The following HMG20A variants were observed in gnomAD, a reference collection of about 807,000 sequenced individuals.
HMG20A encodes high mobility group 20A.
HMG20A carries 17 observed loss-of-function variants against 43.9 expected under a neutral mutation model. The observed-to-expected ratio is 0.39, with a 90% CI of 0.27 to 0.58. The LOEUF (loss-of-function observed/expected upper bound fraction) is 0.58, where lower values mean the gene tolerates loss of function less well. HMG20A is among the 20% of genes least tolerant of loss of function. The pLI, the probability that HMG20A is intolerant of heterozygous loss-of-function variation, is 0.59. For synonymous variants in HMG20A, 132 were observed against 147.5 expected, an observed-to-expected ratio of 0.89 and a Z score of 0.76; for missense variants, 341 against 438.2, an observed-to-expected ratio of 0.78 and a Z score of 1.98.
At chr15:77,428,034 T>C (rs2073444155) in intron 1 of HMG20A, among the ~76,000 whole-genome samples, 1 of 152,184 alleles carries the variant, frequency 6.6e-6, no homozygotes, top group Admixed American at 6.5e-5. Context: ...TGGAGGATAA[T>C]GGAAAGTGGA....
chr15:77,440,830 T>C (rs1405617555), intron 1 of HMG20A, among the ~76,000 whole-genome samples: 1 of 152,172 alleles, frequency 6.6e-6, no homozygotes, highest in Non-Finnish European at 1.5e-5. Context: ...TAAATATTTT[T>C]GAATAGCCAT....
chr15:77,449,957 A>G (rs1273446827), intron 1 of HMG20A, among the ~76,000 whole-genome samples: 1 of 151,068 alleles, frequency 6.6e-6, no homozygotes, highest in East Asian at 1.9e-4. Flanking sequence ...TATTCATCCT[A>G]CTCCCCTGGC....
chr15:77,456,972 G>C (rs542150357), intron 1 of HMG20A, among the ~76,000 whole-genome samples: 1 of 152,280 alleles, frequency 6.6e-6, no homozygotes, highest in African/African-American at 2.4e-5. Flanking sequence ...AAGCATTCCT[G>C]CAGTAGAATA....
In HMG20A at chr15:77,483,915, C is replaced by G. The variant is rs1416877855; in HGVS notation, c.*952C>G. On this transcript the variant is annotated 3_prime_UTR_variant, in exon 10 of 10. Coordinates refer to ENST00000336216, the MANE Select transcript of HMG20A (RefSeq NM_001304504.2). ...TCTTTAGGAGTAATGATTCATAGAT[C>G]TAGATAGGTGGAAATATCATTCAAA... 6.6e-6 allele frequency: 1 copy of G among 152,152 alleles called. No homozygotes were observed. Among genetic ancestry groups the G allele is most frequent in the South Asian group, 2.1e-4 (1 of 4,822 alleles). 9.4% of individuals were successfully genotyped at this position (152,152 alleles called of 1,614,324 possible).
the HMG20A span, among the ~76,000 whole-genome samples, chr15:77,499,918 C>T: frequency 0.22 from 33,148 of 151,732 alleles, 4,102 homozygotes; most frequent in Middle Eastern, 0.29. Context: ...CAACCTCCGC[C>T]TCCCAGGTTC....
chr15:77,516,758 G>A, the HMG20A span, among the ~76,000 whole-genome samples: 2 of 152,156 alleles, frequency 1.3e-5, no homozygotes, highest in Non-Finnish European at 2.9e-5. Flanking sequence ...AGGGGAGTGG[G>A]GTGTGGGCAT....
At chr15:77,478,939 G>A (rs969260949) in intron 8 of HMG20A, among the ~76,000 whole-genome samples, 7 of 152,198 alleles carry the variant, frequency 4.6e-5, no homozygotes, top group Non-Finnish European at 8.8e-5. Context: ...AAAGCTGAGC[G>A]AGTCTAACCT....
intron 3 of HMG20A, among the ~76,000 whole-genome samples, chr15:77,465,405 T>TTG (rs990764075): frequency 2.3e-4 from 34 of 150,938 alleles, no homozygotes; most frequent in Non-Finnish European, 3.6e-4. Flanking sequence ...TTTTTGTTTT[T>TTG]TTTTTTTTGA....
chr15:77,516,116 G>C, the HMG20A span, among the ~76,000 whole-genome samples: 5 of 152,196 alleles, frequency 3.3e-5, no homozygotes, highest in Admixed American at 2.6e-4. Flanking sequence ...AATACTGCTC[G>C]AGGGGAATTG....
chr15:77,467,268 A>G lies in HMG20A; in HGVS notation c.411A>G (p.Leu137=). ...CATTTCCAGAAATCACAAGGATGTT[A>G]GGCAATGAATGGAGTAAACTGCCTC... ...EVPFPEITRM[L]GNEWSKLPPE... The change falls in exon 4 of 10, where the codon TTA becomes TTG. Residue 137 remains leucine (L), a synonymous_variant. Coordinates refer to ENST00000336216, the MANE Select transcript of HMG20A (RefSeq NM_001304504.2). The G allele has an allele frequency of 1.2e-6, 2 of 1,614,164 alleles. No homozygotes were observed. Among genetic ancestry groups the G allele is most frequent in the Non-Finnish European group, 8.5e-7 (1 of 1,179,980 alleles).
At chr15:77,434,181 G>T (rs1167681103) in intron 1 of HMG20A, among the ~76,000 whole-genome samples, 1 of 152,090 alleles carries the variant, frequency 6.6e-6, no homozygotes, top group African/African-American at 2.4e-5. Flanking sequence ...GGCAGGGAAT[G>T]AATCTTGAAC....
chr15:77,467,584 G>A (rs2142341428), intron 4 of HMG20A, among the ~76,000 whole-genome samples: 1 of 152,242 alleles, frequency 6.6e-6, no homozygotes, highest in East Asian at 1.9e-4. Context: ...GTTTTAAGTG[G>A]TTCAGTATTA....
intron 1 of HMG20A, among the ~76,000 whole-genome samples, chr15:77,438,657 C>T (rs905207758): frequency 2.6e-5 from 4 of 152,094 alleles, no homozygotes; most frequent in Admixed American, 6.6e-5. Context: ...CTTAATTGTA[C>T]GTTTGGTAGA....
chr15:77,452,438 C>A (rs1046577605), intron 1 of HMG20A, among the ~76,000 whole-genome samples: 2 of 152,038 alleles, frequency 1.3e-5, no homozygotes, highest in Non-Finnish European at 2.9e-5. Flanking sequence ...CTTGATTGAT[C>A]CAAGAACACA....
At chr15:77,446,382 T>A (rs1365808577) in intron 1 of HMG20A, among the ~76,000 whole-genome samples, 2 of 152,024 alleles carry the variant, frequency 1.3e-5, no homozygotes, top group African/African-American at 4.8e-5. Flanking sequence ...ATGCCTAACA[T>A]AGTGACATAT....
At chr15:77,489,635 G>C (rs532507002), downstream of HMG20A, among the ~76,000 whole-genome samples, 8 of 152,322 alleles carry the variant, frequency 5.3e-5, no homozygotes, top group Middle Eastern at 3.4e-3. Context: ...TAATTACCTA[G>C]ATAAGAAGAA....
downstream of HMG20A, among the ~76,000 whole-genome samples, chr15:77,489,183 C>T (rs1322457073): frequency 1.3e-5 from 2 of 152,126 alleles, no homozygotes; most frequent in Non-Finnish European, 2.9e-5. Flanking sequence ...TTGTGGAAGA[C>T]TAAAGGGAAA....
the HMG20A span, among the ~76,000 whole-genome samples, chr15:77,509,505 C>T: frequency 4.3e-3 from 652 of 151,372 alleles, 7 homozygotes; most frequent in African/African-American, 0.015. Context: ...TCTGCCTGGC[C>T]TCGGCCTCTC....
downstream of HMG20A, among the ~76,000 whole-genome samples, chr15:77,487,930 T>G (rs1256155384): frequency 2.0e-5 from 3 of 152,348 alleles, no homozygotes; most frequent in Middle Eastern, 6.8e-3. Flanking sequence ...AAATTGTTAA[T>G]GTACATCTGC....
Sources: allele counts gnomAD v4.1 joint callset (sites outside exome capture counted in the v4.1 genomes callset), GRCh38; gene constraint gnomAD v4.1.1; transcripts MANE v1.5; gene names NCBI Gene and HGNC (gene_info 2026-07-23, HGNC 2026-07-21).